Variants in UBE3D observed in about 807,000 individuals in gnomAD.
The protein encoded by UBE3D is ubiquitin protein ligase E3D, also known as E3 ubiquitin-protein ligase E3D.
UBE3D carries 48 observed loss-of-function variants against 49.6 expected under a neutral mutation model. That is an observed-to-expected ratio of 0.97 (90% CI 0.77 to 1.23). UBE3D has a LOEUF of 1.23. UBE3D is among the 50% of genes most tolerant of loss of function. UBE3D has a pLI of 0.00. For synonymous variants in UBE3D, 189 were observed against 174.2 expected (o/e 1.08, Z -0.67); for missense variants, 452 against 468.4 (o/e 0.96, Z 0.32).
intron 8 of UBE3D, among the ~76,000 whole-genome samples, chr6:83,011,007 A>G (rs1046928247): frequency 3.3e-5 from 5 of 152,116 alleles, no homozygotes; most frequent in African/African-American, 7.2e-5. Flanking sequence ...ACCCATACAC[A>G]TCTCCTGAGA....
At chr6:82,933,169 T>C (rs1165097362) in intron 9 of UBE3D, among the ~76,000 whole-genome samples, 2 of 152,190 alleles carry the variant, frequency 1.3e-5, no homozygotes, top group Non-Finnish European at 2.9e-5. Flanking sequence ...TTCAACATTA[T>C]GCAATGATGG....
In UBE3D at chr6:83,013,430, C is replaced by T. The variant is rs115792751; in HGVS notation, c.1010+5543G>A. On this transcript the variant is annotated intron_variant, in intron 8 of 9. Coordinates refer to ENST00000369747, the MANE Select transcript of UBE3D (RefSeq NM_198920.3). The stretch of plus-strand genomic sequence containing the variant: ...CTAACTGCCAATGACATCTCTAGCA[C>T]CATTGGATCTGCTGGGTTACATGGC... 8.2e-3 allele frequency among the ~76,000 whole-genome samples: 1,245 copies of T among 152,308 alleles called. 18 individuals are homozygous for T. The highest frequency in any genetic ancestry group is 0.028 in the African/African-American group (1,144 of 41,560).
intron 9 of UBE3D, among the ~76,000 whole-genome samples, chr6:82,949,643 A>G (rs916893026): frequency 2.0e-5 from 3 of 152,226 alleles, no homozygotes; most frequent in African/African-American, 7.2e-5. Context: ...CCAAAATAGC[A>G]TGGTACTGGC....
At chr6:83,020,377 G>C (rs1007287040) in intron 7 of UBE3D, among the ~76,000 whole-genome samples, 2 of 146,720 alleles carry the variant, frequency 1.4e-5, no homozygotes, top group African/African-American at 5.1e-5. Context: ...ACAAACACCT[G>C]TGAGTGTACA....
chr6:83,047,352 C>A (rs961706860), intron 3 of UBE3D, among the ~76,000 whole-genome samples: 1 of 152,148 alleles, frequency 6.6e-6, no homozygotes, highest in African/African-American at 2.4e-5. Context: ...GACACTTTGG[C>A]CTTCCCTGAA....
chr6:82,984,532 T>A (rs1778328790), intron 8 of UBE3D, among the ~76,000 whole-genome samples: 2 of 152,182 alleles, frequency 1.3e-5, no homozygotes, highest in Non-Finnish European at 2.9e-5. Context: ...AGATTTCCCA[T>A]TTTTCACAGC....
At chr6:82,958,691 T>C (rs1041023764) in intron 8 of UBE3D, among the ~76,000 whole-genome samples, 2 of 152,140 alleles carry the variant, frequency 1.3e-5, no homozygotes, top group Non-Finnish European at 2.9e-5. Context: ...TAGGGGAGAA[T>C]AGATCACCTC....
At chr6:82,979,486 T>TG (rs1489538613) in intron 8 of UBE3D, among the ~76,000 whole-genome samples, 1 of 152,142 alleles carries the variant, frequency 6.6e-6, no homozygotes, top group Non-Finnish European at 1.5e-5. Context: ...TTGAACTGAG[T>TG]GAAATCTGCT....
intron 5 of UBE3D, among the ~76,000 whole-genome samples, chr6:83,034,235 C>T (rs1440639591): frequency 1.3e-5 from 2 of 152,200 alleles, no homozygotes; most frequent in Non-Finnish European, 2.9e-5. Context: ...CCACCCCACA[C>T]ACAAACTCAC....
chr6:82,944,012 G>C (rs1775218260), intron 9 of UBE3D, among the ~76,000 whole-genome samples: 1 of 152,062 alleles, frequency 6.6e-6, no homozygotes, highest in Non-Finnish European at 1.5e-5. Context: ...GGGCTGAAGT[G>C]CTCTGGGGCC....
chr6:82,892,168 G>C (rs1770997730), downstream of UBE3D, among the ~76,000 whole-genome samples: 1 of 152,216 alleles, frequency 6.6e-6, no homozygotes, highest in Admixed American at 6.5e-5. Flanking sequence ...TAGGAAAGGA[G>C]GATGTCAGAG....
chr6:82,926,965 C>T (rs947129106), intron 9 of UBE3D, among the ~76,000 whole-genome samples: 7 of 152,038 alleles, frequency 4.6e-5, no homozygotes, highest in Admixed American at 1.3e-4. Context: ...ACATTATCTT[C>T]GAAGGGTTTG....
chr6:82,927,039 C>G (rs1041344176), intron 9 of UBE3D, among the ~76,000 whole-genome samples: 5 of 152,038 alleles, frequency 3.3e-5, no homozygotes, highest in Non-Finnish European at 4.4e-5. Flanking sequence ...GGTGTAAAGT[C>G]TGTATCTAGA....
At chr6:83,030,207 A>C (rs778355348) in intron 5 of UBE3D, among the ~76,000 whole-genome samples, 1 of 152,200 alleles carries the variant, frequency 6.6e-6, no homozygotes, top group Non-Finnish European at 1.5e-5. Context: ...AGTAATTAAA[A>C]TTAAAAAAAA....
intron 1 of UBE3D, among the ~76,000 whole-genome samples, chr6:83,064,310 G>C (rs1024032112): frequency 3.3e-5 from 5 of 152,046 alleles, no homozygotes; most frequent in African/African-American, 1.2e-4. Flanking sequence ...TGCAACCTCC[G>C]CCTCCCGGGT....
At chr6:83,037,916 C>G (rs1357126072) in intron 5 of UBE3D, 1 of 152,058 alleles carries the variant, frequency 6.6e-6, no homozygotes, top group Non-Finnish European at 1.5e-5. Context: ...TCTCCCATCC[C>G]CAGCCCCAAA....
chr6:83,000,845 C>CTTT (rs36049759), intron 8 of UBE3D, among the ~76,000 whole-genome samples: 1,457 of 140,960 alleles, frequency 0.01, 25 homozygotes, highest in African/African-American at 0.036. Context: ...AGCATCAATT[C>CTTT]TTTTTTTTTT....
At chr6:82,936,836 GC>G (rs2127750633) in intron 9 of UBE3D, among the ~76,000 whole-genome samples, 1 of 152,270 alleles carries the variant, frequency 6.6e-6, no homozygotes, top group African/African-American at 2.4e-5. Flanking sequence ...TCTTTTTCAG[GC>G]TAGTTTAATC....
chr6:82,892,218 C>G (rs143950749), downstream of UBE3D, among the ~76,000 whole-genome samples: 755 of 152,250 alleles, frequency 5.0e-3, 1 homozygote, highest in Non-Finnish European at 8.4e-3. Flanking sequence ...ATGGACATGC[C>G]TGGCTCCAGT....
Sources: allele counts gnomAD v4.1 joint callset (sites outside exome capture counted in the v4.1 genomes callset), GRCh38; gene constraint gnomAD v4.1.1; transcripts MANE v1.5; gene names NCBI Gene and HGNC (gene_info 2026-07-23, HGNC 2026-07-21).